MYO15B: variants seen among roughly 807,000 people sequenced by gnomAD.
MYO15B encodes myosin XVB.
In MYO15B, 207 loss-of-function variants were observed where a neutral mutation model predicts 119.3. The ratio of observed to expected loss-of-function variants is 1.73; its 90% CI spans 1.55 to 1.95. MYO15B has a LOEUF of 1.95. Ranked by LOEUF, MYO15B falls within the 30% of genes most tolerant of loss-of-function variation. The pLI is 0.00. For missense variants in MYO15B, 2,264 were observed against 1,203.1 expected (o/e 1.88, Z -13.04); for synonymous variants, 966 against 498.9 (o/e 1.94, Z -12.48).
At chr17:75,611,893 G>A (rs1337012083) in exon 25 of MYO15B, 1 of 702,972 alleles carries the variant, frequency 1.4e-6, no homozygotes. Flanking sequence ...CAGGCCATCG[G>A]GACGCCCTGG....
intron 9 of MYO15B, 120 bp from the exon 10 acceptor site, chr17:75,594,355 A>G (rs820254): frequency 0.65 from 355,364 of 543,176 alleles, 119,312 homozygotes; most frequent in East Asian, 0.78. Context: ...AGATCTCCTC[A>G]TGTGACATAT....
In MYO15B at chr17:75,594,658, G is replaced by A. The variant is rs1334312410; in HGVS notation, c.3106-43G>A. 4 of 701,676 alleles carry A rather than the reference G, an allele frequency of 5.7e-6. No individual in the cohort carries two copies. The East Asian group carries it at 1.1e-4, about 19-fold the overall frequency. The allele number at this position is 701,676 out of a possible 1,614,324, so 43.5% of individuals were successfully genotyped here. A position where few individuals can be genotyped will look rare whatever the true frequency, so the allele number is the denominator to read the frequency against. ...CACAGGCTGAGTAAGCACCATGAGG[G>A]CTGCAGGCCTGACACACCAGCTGTG... On this transcript the variant is annotated intron_variant, in intron 10 of 63. Transcript: ENST00000645453.
chr17:75,599,422 C>T (rs986356238), intron 14 of MYO15B, among the ~76,000 whole-genome samples: 4 of 152,014 alleles, frequency 2.6e-5, no homozygotes, highest in Non-Finnish European at 5.9e-5. Context: ...CTACAGGCAC[C>T]CGCCACCATG....
At position 75,605,632 on chromosome 17, in the gene MYO15B, G is replaced by A. The variant is rs1364836010; in HGVS notation, c.4134+11G>A. Reference sequence around the variant, plus strand: ...CTTGGAGCCACCAAGGTGGGTGTGTGTATCCCTGTGTGCAGAGGGCAGCAT... The same window carrying A: ...CTTGGAGCCACCAAGGTGGGTGTGTATATCCCTGTGTGCAGAGGGCAGCAT... On this transcript the variant is annotated intron_variant, in intron 20 of 63. Coordinates refer to ENST00000645453, the Ensembl canonical transcript of MYO15B. 4.3e-6 allele frequency: 3 copies of A among 702,834 alleles called. No individual in the cohort carries two copies. In the African/African-American group the frequency reaches 5.2e-5, roughly 12 times the overall value. The allele number at this position is 702,834 out of a possible 1,614,324, so 43.5% of individuals were successfully genotyped here.
intron 53 of MYO15B, 120 bp from the exon 54 acceptor site, chr17:75,623,661 A>T (rs888386400): frequency 9.2e-6 from 6 of 649,754 alleles, no homozygotes; most frequent in Non-Finnish European, 1.7e-5. Flanking sequence ...TGATGTCTTA[A>T]GCTGAGAGAG....
exon 44 of MYO15B, chr17:75,619,184 C>T (rs779018438): frequency 2.8e-6 from 2 of 702,844 alleles, no homozygotes; most frequent in South Asian, 3.0e-5. Context: ...TCCGGATTTC[C>T]CAGAATGAGC....
chr17:75,620,212 T>TTGC (rs1291115066), intron 47 of MYO15B, 34 bp from the exon 48 acceptor site: 1 of 702,244 alleles, frequency 1.4e-6, no homozygotes. Context: ...ACAGGCAGAC[T>TTGC]TGCTGCTCCA....
At chr17:75,610,480 G>A (rs558378007) in intron 22 of MYO15B, among the ~76,000 whole-genome samples, 1 of 152,312 alleles carries the variant, frequency 6.6e-6, no homozygotes, top group African/African-American at 2.4e-5. Flanking sequence ...TCTCCCCAGG[G>A]CCTGGCTCTT....
chr17:75,610,632 C>T (rs773311717), intron 22 of MYO15B: 15 of 556,342 alleles, frequency 2.7e-5, no homozygotes, highest in Non-Finnish European at 4.5e-5. Flanking sequence ...CTGGCCCCTC[C>T]CTGGCTGGAC....
At position 75,615,619 on chromosome 17, in the gene MYO15B, C is replaced by G. The variant is rs746551877; in HGVS notation, c.5838+19C>G. The G allele has an allele frequency of 1.2e-5, 8 of 683,752 alleles. No individual in the cohort carries two copies. The South Asian group carries it at 1.2e-4, about 11-fold the overall frequency. 42.4% of individuals were successfully genotyped at this position (683,752 alleles called of 1,614,324 possible). On this transcript the variant is annotated intron_variant, in intron 35 of 63. Transcript: ENST00000645453. ...AATCCTGGTGAGCGCTGGCAGGGCCCTGGGGCCACCTGGTGGAGGAGAGGT... is the reference window on the plus strand; with the variant it reads ...AATCCTGGTGAGCGCTGGCAGGGCCGTGGGGCCACCTGGTGGAGGAGAGGT...
exon 39 of MYO15B, chr17:75,616,618 G>A (rs1184718407): frequency 1.4e-6 from 1 of 702,948 alleles, no homozygotes; most frequent in East Asian, 2.7e-5. Flanking sequence ...CAGCCAAGGA[G>A]ACAGCGGCCA....
intron 42 of MYO15B, 57 bp downstream of exon 42, chr17:75,617,979 G>A (rs539422164): frequency 2.9e-6 from 2 of 695,490 alleles, no homozygotes; most frequent in South Asian, 3.0e-5. Flanking sequence ...GGAGGCGGCA[G>A]GCTTTGTGCA....
At chr17:75,592,957 A>G in intron 9 of MYO15B, 117 bp downstream of exon 9, 1 of 607,012 alleles carries the variant, frequency 1.6e-6, no homozygotes, top group South Asian at 1.9e-5. Flanking sequence ...CTGCCCTGAA[A>G]AGTGGGTAGA....
chr17:75,588,327 G>C (rs924968586), exon 1 of MYO15B: 2 of 398,358 alleles, frequency 5.0e-6, no homozygotes, highest in African/African-American at 4.1e-5. Flanking sequence ...AAGCCCAGGA[G>C]AGGCAAAGCA....
chr17:75,619,797 C>A lies in MYO15B; in HGVS notation c.7299C>A (p.Tyr2433Ter). The change falls in exon 46 of 64, where the codon TAC (tyrosine) becomes TAA (stop). Residue 2433 changes from tyrosine (Y) to a stop codon, truncating the protein, a stop_gained and splice_region_variant. Coordinates refer to ENST00000645453, the Ensembl canonical transcript of MYO15B. LOFTEE classifies it high-confidence loss of function. ...ACCAGCTGAAGATTCTCTGCTCATACAGGTGCGCTAGCCCACGACCCTGGG... is the reference window on the plus strand; with the variant it reads ...ACCAGCTGAAGATTCTCTGCTCATAAAGGTGCGCTAGCCCACGACCCTGGG... The A allele has an allele frequency of 1.4e-6, 1 of 702,888 alleles. No homozygotes were observed. 43.5% of individuals were successfully genotyped at this position (702,888 alleles called of 1,614,324 possible). A position where few individuals can be genotyped will look rare whatever the true frequency, so the allele number is the denominator to read the frequency against.
At chr17:75,626,425 A>C (rs1223944582) in exon 64 of MYO15B, 2 of 702,796 alleles carry the variant, frequency 2.8e-6, no homozygotes, top group Non-Finnish European at 5.2e-6. Flanking sequence ...GCTGCTATAC[A>C]CCACTGTCTT....
chr17:75,611,537 G>A, intron 23 of MYO15B, 64 bp from the exon 24 acceptor site: 1 of 698,168 alleles, frequency 1.4e-6, no homozygotes, highest in East Asian at 2.7e-5. Flanking sequence ...TTGAGGGTGT[G>A]GGGAGGGACA....
At chr17:75,596,962 A>G in intron 14 of MYO15B, 63 bp downstream of exon 14, 1 of 635,772 alleles carries the variant, frequency 1.6e-6, no homozygotes, top group Non-Finnish European at 2.8e-6. Context: ...CTGGGTGTCC[A>G]GGCTGTAGCT....
At chr17:75,592,787 G>A (rs959344706) in exon 9 of MYO15B, 5 of 702,822 alleles carry the variant, frequency 7.1e-6, no homozygotes, top group African/African-American at 5.2e-5. Context: ...TGCCGTCTGG[G>A]CTGTGCTGGC....
Sources: allele counts gnomAD v4.1 joint callset (sites outside exome capture counted in the v4.1 genomes callset), GRCh38; gene constraint gnomAD v4.1.1; transcripts MANE v1.5; gene names NCBI Gene and HGNC (gene_info 2026-07-23, HGNC 2026-07-21).